The following RBM47 variants were observed in gnomAD, a reference collection of about 807,000 sequenced individuals.
RBM47 encodes RNA binding motif protein 47.
Under a neutral mutation model 47.1 loss-of-function variants are expected in RBM47, and 21 were observed. That is an observed-to-expected ratio of 0.45 (90% CI 0.32 to 0.64). The LOEUF is 0.64. Among genes scored for constraint, RBM47 ranks in the 30% least tolerant of loss-of-function variants. The pLI is 0.05. For synonymous variants in RBM47, 375 were observed against 361.7 expected (o/e 1.04, Z -0.42); for missense variants, 708 against 870.9 (o/e 0.81, Z 2.35).
At chr4:40,601,705 C>T (rs1167779956) in intron 1 of RBM47, among the ~76,000 whole-genome samples, 4 of 152,188 alleles carry the variant, frequency 2.6e-5, no homozygotes, top group Non-Finnish European at 5.9e-5. Context: ...ATCATGTATA[C>T]TGTTTGCCAC....
chr4:40,520,185 G>A (rs529740594), intron 2 of RBM47, among the ~76,000 whole-genome samples: 122 of 152,132 alleles, frequency 8.0e-4, no homozygotes, highest in Non-Finnish European at 9.1e-4. Flanking sequence ...AGAATTCCCC[G>A]TGTTCTATAC....
intron 1 of RBM47, among the ~76,000 whole-genome samples, chr4:40,622,612 T>A (rs986033429): frequency 6.6e-6 from 1 of 152,096 alleles, no homozygotes; most frequent in Non-Finnish European, 1.5e-5. Context: ...CCAGGTGAGG[T>A]AGCTCACACC....
intron 2 of RBM47, among the ~76,000 whole-genome samples, chr4:40,500,007 A>G (rs1038912611): frequency 7.2e-5 from 11 of 152,350 alleles, no homozygotes; most frequent in African/African-American, 2.2e-4. Context: ...CAATTCTAAC[A>G]TATCTGGTTG....
At chr4:40,601,763 C>T (rs960226030) in intron 1 of RBM47, among the ~76,000 whole-genome samples, 1 of 152,196 alleles carries the variant, frequency 6.6e-6, no homozygotes, top group Non-Finnish European at 1.5e-5. Context: ...CTGGAAACTA[C>T]GAGTCCAACT....
intron 1 of RBM47, among the ~76,000 whole-genome samples, chr4:40,621,116 T>C (rs1207623483): frequency 6.6e-6 from 1 of 152,172 alleles, no homozygotes; most frequent in African/African-American, 2.4e-5. Flanking sequence ...CAGCAGACTT[T>C]ATGTACTATT....
intron 1 of RBM47, among the ~76,000 whole-genome samples, chr4:40,592,284 T>C (rs1734219503): frequency 6.6e-6 from 1 of 151,476 alleles, no homozygotes; most frequent in African/African-American, 2.4e-5. Context: ...GAGGCAGGTC[T>C]TACTGGGTCG....
chr4:40,561,825 C>T (rs1301198746), intron 1 of RBM47, among the ~76,000 whole-genome samples: 1 of 152,166 alleles, frequency 6.6e-6, no homozygotes. Flanking sequence ...GCTGGGATTA[C>T]AGGTGTGAGC....
rs768372532 is a variant in RBM47 at position 40,437,725 on chromosome 4, G to A, written c.1123+46C>T. Reference sequence around the variant, plus strand: ...TATCCCTGGTGCCCCCTGCCTAGGAGGCAACGTTCTTGGGGGCCCCACCCA... The same window carrying A: ...TATCCCTGGTGCCCCCTGCCTAGGAAGCAACGTTCTTGGGGGCCCCACCCA... On this transcript the variant is annotated intron_variant, in intron 4 of 6. Coordinates refer to ENST00000295971, the MANE Select transcript of RBM47 (RefSeq NM_001098634.2). 4 of 1,529,208 alleles carry A rather than the reference G, an allele frequency of 2.6e-6. No individual in the cohort carries two copies. The South Asian group carries it at 4.8e-5, about 18-fold the overall frequency. The allele number at this position is 1,529,208 out of a possible 1,614,324, so 94.7% of individuals were successfully genotyped here.
intron 2 of RBM47, among the ~76,000 whole-genome samples, chr4:40,474,892 G>C (rs969234361): frequency 1.3e-5 from 2 of 152,122 alleles, no homozygotes; most frequent in South Asian, 2.1e-4. Context: ...AAGGGAGAAG[G>C]GTTAAGAGAG....
At chr4:40,528,981 T>G (rs533814441) in intron 2 of RBM47, among the ~76,000 whole-genome samples, 2 of 149,808 alleles carry the variant, frequency 1.3e-5, no homozygotes, top group Non-Finnish European at 1.5e-5. Context: ...AATAAATAAA[T>G]AAATAATAAA....
chr4:40,438,376 T>C lies in RBM47; in HGVS notation c.518A>G (p.Lys173Arg). ...CACGTCCAGCACGCCCTCGGTGACCTTGGCAATCTCCTCCAGGATTTCCTC... is the reference window on the plus strand; with the variant it reads ...CACGTCCAGCACGCCCTCGGTGACCCTGGCAATCTCCTCCAGGATTTCCTC... ...KREEILEEIA[K>R]VTEGVLDVIV... Residue 173 changes from lysine (K) to arginine (R), a missense_variant, in exon 4 of 7, where the codon AAG (lysine) becomes AGG (arginine). Transcript: ENST00000295971. 4 of 1,612,774 alleles carry C rather than the reference T, an allele frequency of 2.5e-6. No individual in the cohort carries two copies. Among genetic ancestry groups the C allele is most frequent in the Non-Finnish European group, 3.4e-6 (4 of 1,179,964 alleles).
chr4:40,515,795 G>GA (rs1402233964), intron 2 of RBM47: 7 of 152,228 alleles, frequency 4.6e-5, no homozygotes, highest in Non-Finnish European at 1.0e-4. Flanking sequence ...CAGGAGCCTA[G>GA]AAAATGGCAC....
chr4:40,630,608 G>A (rs1243601145), upstream of RBM47: 1 of 152,202 alleles, frequency 6.6e-6, no homozygotes, highest in Non-Finnish European at 1.5e-5. Flanking sequence ...CTGACCTAGA[G>A]TTACGGAGGG....
chr4:40,509,279 A>C (rs1247403916), intron 2 of RBM47, among the ~76,000 whole-genome samples: 1 of 152,172 alleles, frequency 6.6e-6, no homozygotes, highest in African/African-American at 2.4e-5. Context: ...AATTGTAGAC[A>C]TCACTTGTAT....
chr4:40,485,538 C>T (rs1720955107), intron 2 of RBM47, among the ~76,000 whole-genome samples: 1 of 152,046 alleles, frequency 6.6e-6, no homozygotes, highest in African/African-American at 2.4e-5. Context: ...GACAAAGAAA[C>T]CAAATACATG....
chr4:40,539,739 CAAAAAAAAAA>C (rs56005602), intron 2 of RBM47, among the ~76,000 whole-genome samples: 3 of 56,292 alleles, frequency 5.3e-5, no homozygotes, highest in African/African-American at 2.1e-4. Flanking sequence ...GACTCTGTCT[CAAAAAAAAAA>C]AAAAAAAAAA....
chr4:40,465,525 G>A (rs1308815478), intron 3 of RBM47, among the ~76,000 whole-genome samples: 1 of 152,092 alleles, frequency 6.6e-6, no homozygotes, highest in Non-Finnish European at 1.5e-5. Flanking sequence ...AGCTGGGCAT[G>A]AAAATTAGCC....
chr4:40,535,749 T>G (rs1245447498), intron 2 of RBM47, among the ~76,000 whole-genome samples: 1 of 152,052 alleles, frequency 6.6e-6, no homozygotes, highest in Non-Finnish European at 1.5e-5. Context: ...GAGTAGAGAC[T>G]GGGTTTCACC....
At chr4:40,549,660 T>C (rs542295651) in intron 1 of RBM47, among the ~76,000 whole-genome samples, 1 of 151,808 alleles carries the variant, frequency 6.6e-6, no homozygotes, top group South Asian at 2.1e-4. Context: ...GTAGCTGGGA[T>C]TACAGGTGTG....
Sources: allele counts gnomAD v4.1 joint callset (sites outside exome capture counted in the v4.1 genomes callset), GRCh38; gene constraint gnomAD v4.1.1; transcripts MANE v1.5; gene names NCBI Gene and HGNC (gene_info 2026-07-23, HGNC 2026-07-21).